Variants in TEX9 observed in about 807,000 individuals in gnomAD.
TEX9 encodes the protein testis-expressed protein 9.
In TEX9, 74 loss-of-function variants were observed where a neutral mutation model predicts 59.6. The ratio of observed to expected loss-of-function variants is 1.24; its 90% CI spans 1.03 to 1.51. The LOEUF is 1.51. Ranked by LOEUF, TEX9 falls within the 40% of genes most tolerant of loss-of-function variation. The pLI, the probability that TEX9 is intolerant of heterozygous loss-of-function variation, is 0.00. For synonymous variants in TEX9, 186 were observed against 152.2 expected, an observed-to-expected ratio of 1.22 and a Z score of -1.64; for missense variants, 522 against 447.8, an observed-to-expected ratio of 1.17 and a Z score of -1.49.
At chr15:56,394,942 T>C (rs2048390711) in intron 9 of TEX9, 108 bp downstream of exon 9, 1 of 1,096,464 alleles carries the variant, frequency 9.1e-7, no homozygotes, top group African/African-American at 1.6e-5. Context: ...TTTATTAGTA[T>C]TTACTGAAAA....
intron 2 of TEX9, among the ~76,000 whole-genome samples, chr15:56,369,764 T>G (rs1303069850): frequency 6.6e-6 from 1 of 152,232 alleles, no homozygotes; most frequent in African/African-American, 2.4e-5. Flanking sequence ...ATTTATTATT[T>G]GTTGGCTAAT....
At position 56,434,110 on chromosome 15, in the gene TEX9, C is replaced by A. The variant is rs776759712; in HGVS notation, c.*29+5637C>A. ...AGCTATTGCTGTTTAATGATAATGA[C>A]CAAAAAAACCCCACAACTTTTTCTT... On this transcript the variant is annotated intron_variant, in intron 12 of 12. Transcript: ENST00000352903. The A allele has an allele frequency of 3.8e-6, 6 of 1,598,790 alleles. No individual in the cohort carries two copies. The East Asian group carries it at 1.3e-4, about 36-fold the overall frequency.
chr15:56,401,910 A>G (rs936368120), intron 9 of TEX9, among the ~76,000 whole-genome samples: 2 of 152,220 alleles, frequency 1.3e-5, no homozygotes, highest in East Asian at 3.8e-4. Flanking sequence ...GAAGGCAGAA[A>G]TAAAGATTTT....
rs2048493390 is a variant in TEX9 at position 56,396,698 on chromosome 15, C to T, written c.828+1864C>T. On this transcript the variant is annotated intron_variant, in intron 9 of 12. Transcript: ENST00000352903. Reference sequence around the variant, plus strand: ...GTGGGAGGTAATTGAATCATGGGGGCAAGTCTTTCCTGTGCTGTTCTTGTG... The same window carrying T: ...GTGGGAGGTAATTGAATCATGGGGGTAAGTCTTTCCTGTGCTGTTCTTGTG... 3 of 150,712 alleles carry T rather than the reference C, an allele frequency of 2.0e-5. No individual in the cohort carries two copies. The South Asian group carries it at 6.3e-4, about 32-fold the overall frequency. The allele number at this position is 150,712 out of a possible 1,614,324, so 9.3% of individuals were successfully genotyped here.
chr15:56,410,612 T>G (rs1368434519), intron 9 of TEX9, among the ~76,000 whole-genome samples: 1 of 152,136 alleles, frequency 6.6e-6, no homozygotes, highest in Non-Finnish European at 1.5e-5. Context: ...ACTTCCTACT[T>G]TACTATTCTT....
rs147745822 is a variant in TEX9, at chr15:56,367,395, G to T, written c.119+1725G>T. 2.7e-3 allele frequency among the ~76,000 whole-genome samples: 415 copies of T among 152,228 alleles called. 4 individuals are homozygous for T. Among genetic ancestry groups the T allele is most frequent in the African/African-American group, 9.5e-3 (395 of 41,542 alleles). On this transcript the variant is annotated intron_variant, in intron 2 of 12. Transcript: ENST00000352903. ...TATCTGTTTTGCCACCTGTTGTCTTGGCATTGATCATTAGAATGCTACTTC... is the reference window on the plus strand; with the variant it reads ...TATCTGTTTTGCCACCTGTTGTCTTTGCATTGATCATTAGAATGCTACTTC...
Position 56,268,967 on chromosome 15 carries a change from G to C in TEX9, c.-107+24689G>C, listed in dbSNP as rs566485307. Among the ~76,000 whole-genome samples the C allele has an allele frequency of 2.0e-5, 3 of 152,034 alleles. No individual in the cohort carries two copies. In the South Asian group the frequency reaches 6.2e-4, roughly 32 times the overall value. On this transcript the variant is annotated intron_variant, in intron 1 of 5. Coordinates refer to the TEX9 transcript ENST00000560827. ...ATCCATCTGGTCCTAGAATTTTTTT[G>C]GTTGGTAGGCTATTAATGATTGCCT...
chr15:56,409,047 A>G (rs1179602240), intron 9 of TEX9: 1 of 152,156 alleles, frequency 6.6e-6, no homozygotes, highest in Non-Finnish European at 1.5e-5. Flanking sequence ...ACTACAAAAA[A>G]TTAGCCAGCG....
At chr15:56,390,234 A>T (rs539627864) in intron 6 of TEX9, among the ~76,000 whole-genome samples, 52 of 152,046 alleles carry the variant, frequency 3.4e-4, no homozygotes, top group South Asian at 1.5e-3. Flanking sequence ...ACATTTTTTT[A>T]AAAAAAGTTG....
intron 10 of TEX9, among the ~76,000 whole-genome samples, chr15:56,424,183 GTATC>G (rs1313774486): frequency 6.6e-6 from 1 of 152,060 alleles, no homozygotes; most frequent in African/African-American, 2.4e-5. Context: ...ATATATAATT[GTATC>G]TATCTTCTTG....
At chr15:56,328,135 T>C (rs796347381) in intron 1 of TEX9, among the ~76,000 whole-genome samples, 29 of 151,972 alleles carry the variant, frequency 1.9e-4, no homozygotes, top group African/African-American at 6.3e-4. Context: ...TCTTGCATCA[T>C]GGATACCAGC....
At chr15:56,398,785 G>C (rs1182981642) in intron 9 of TEX9, among the ~76,000 whole-genome samples, 1 of 151,334 alleles carries the variant, frequency 6.6e-6, no homozygotes, top group Non-Finnish European at 1.5e-5. Context: ...TTTTCCCTTT[G>C]TATGGGGATA....
chr15:56,285,136 T>TA (rs1378391349), intron 1 of TEX9, among the ~76,000 whole-genome samples: 2 of 152,182 alleles, frequency 1.3e-5, no homozygotes, highest in Non-Finnish European at 2.9e-5. Flanking sequence ...TGAGATTACT[T>TA]TCCTTTGCCT....
chr15:56,319,203 A>G (rs1296590558), intron 1 of TEX9, among the ~76,000 whole-genome samples: 2 of 151,974 alleles, frequency 1.3e-5, no homozygotes, highest in East Asian at 1.9e-4. Context: ...CCCCTCTGTG[A>G]TGGCCACAAT....
chr15:56,441,667 A>G (rs2140352050), intron 12 of TEX9, among the ~76,000 whole-genome samples: 1 of 152,328 alleles, frequency 6.6e-6, no homozygotes, highest in African/African-American at 2.4e-5. Flanking sequence ...GCATCTGACA[A>G]AGGTCTAATA....
intron 1 of TEX9, among the ~76,000 whole-genome samples, chr15:56,286,813 C>T (rs1187511509): frequency 6.6e-6 from 1 of 152,152 alleles, no homozygotes. Context: ...CTTTAGTTCT[C>T]ACATTTTCCC....
At chr15:56,457,698 T>C in the TEX9 span, among the ~76,000 whole-genome samples, 1 of 151,828 alleles carries the variant, frequency 6.6e-6, no homozygotes, top group Non-Finnish European at 1.5e-5. Flanking sequence ...TCTGTAGTTC[T>C]AGCTGTATCA....
chr15:56,256,757 TTTAC>T (rs1202891088), intron 1 of TEX9, among the ~76,000 whole-genome samples: 1 of 152,024 alleles, frequency 6.6e-6, no homozygotes, highest in East Asian at 1.9e-4. Context: ...TAAGCTAATT[TTTAC>T]TTATTTATTT....
At chr15:56,389,703 T>G (rs1478630183) in intron 6 of TEX9, among the ~76,000 whole-genome samples, 3 of 152,000 alleles carry the variant, frequency 2.0e-5, no homozygotes, top group Non-Finnish European at 4.4e-5. Flanking sequence ...GGGTTTTTTT[T>G]TTAATCTCTG....
Sources: gnomAD v4.1 joint callset for allele counts (sites outside exome capture counted in the v4.1 genomes callset) on GRCh38, gnomAD v4.1.1 for gene constraint, MANE v1.5 for transcripts, NCBI Gene and HGNC (gene_info 2026-07-23, HGNC 2026-07-21) for gene names.